Variants in PKD1L1 observed in about 807,000 individuals in gnomAD.
PKD1L1 encodes polycystin-1-like protein 1.
PKD1L1 carries 236 observed loss-of-function variants against 323.4 expected under a neutral mutation model. The observed-to-expected ratio is 0.73, with a 90% CI of 0.66 to 0.81. The LOEUF is 0.81. Ranked by LOEUF, PKD1L1 falls within the 40% of genes least tolerant of loss-of-function variation. The pLI, the probability that PKD1L1 is intolerant of heterozygous loss-of-function variation, is 0.00. For synonymous variants in PKD1L1, 1,344 were observed against 1,335.0 expected (o/e 1.01, Z -0.15); for missense variants, 3,320 against 3,508.0 (o/e 0.95, Z 1.35).
chr7:47,898,898 T>C (rs1354747730), intron 13 of PKD1L1, among the ~76,000 whole-genome samples: 1 of 139,114 alleles, frequency 7.2e-6, no homozygotes, highest in South Asian at 2.3e-4. Context: ...GTTCTTTTGC[T>C]AAAAAAAAAA....
rs1554404496 is a variant in PKD1L1 at position 47,865,564 on chromosome 7, A to ATTTATTATTTTAT, written c.4093-305_4093-293dup. On this transcript the variant is annotated intron_variant, in intron 25 of 56. Coordinates refer to ENST00000289672, the MANE Select transcript of PKD1L1 (RefSeq NM_138295.5). ...AGGGTGCAGAGCTAAGCAACAATTT[A>ATTTATTATTTTAT]TTTATTATTTTATTTTATTTTATTT... Among the ~76,000 whole-genome samples the ATTTATTATTTTAT allele has an allele frequency of 2.5e-3, 198 of 78,738 alleles. 1 individual carries two copies. Among genetic ancestry groups the ATTTATTATTTTAT allele is most frequent in the African/African-American group, 0.013 (182 of 13,514 alleles). 51.7% of individuals were successfully genotyped at this position (78,738 alleles called of 152,430 possible).
At chr7:47,937,867 G>T (rs1324995407) in intron 3 of PKD1L1, among the ~76,000 whole-genome samples, 1 of 152,138 alleles carries the variant, frequency 6.6e-6, no homozygotes, top group Non-Finnish European at 1.5e-5. Context: ...TGAGGCCTCT[G>T]TTGACCTTGC....
intron 29 of PKD1L1, 28 bp downstream of exon 29, chr7:47,855,127 T>C (rs1785869271): frequency 1.2e-6 from 2 of 1,611,242 alleles, no homozygotes; most frequent in African/African-American, 1.3e-5. Context: ...CTAAATGAAG[T>C]AGAGATACTG....
intron 46 of PKD1L1, among the ~76,000 whole-genome samples, chr7:47,817,853 G>A (rs1443388409): frequency 6.6e-6 from 1 of 152,114 alleles, no homozygotes; most frequent in African/African-American, 2.4e-5. Flanking sequence ...CTGGGCAACA[G>A]AGCAAGGCTC....
chr7:47,876,210 T>C lies in PKD1L1; in HGVS notation c.3671A>G (p.His1224Arg). Residue 1224 changes from histidine (H) to arginine (R), a missense_variant, in exon 23 of 57, where the codon CAT (histidine) becomes CGT (arginine). By Grantham distance (29) the His-to-Arg change is conservative. Transcript: ENST00000289672. Reference sequence around the variant, plus strand: ...TCCTATCTGGTAACTAAATTCATAATGGAAGTCCTATGATCCAGTCCAAGG... The same window carrying C: ...TCCTATCTGGTAACTAAATTCATAACGGAAGTCCTATGATCCAGTCCAAGG... ...VFCMSGKPDF[H>R]YEFSYQIGNT... 1.9e-6 allele frequency: 3 copies of C among 1,614,002 alleles called. No homozygotes were observed. The highest frequency in any genetic ancestry group is 1.7e-6 in the Non-Finnish European group (2 of 1,179,900).
intron 32 of PKD1L1, 73 bp from the exon 33 acceptor site, chr7:47,845,151 G>A: frequency 8.1e-7 from 1 of 1,235,056 alleles, no homozygotes; most frequent in South Asian, 1.4e-5. Flanking sequence ...TGGCATGTTG[G>A]TTAAAGGAAT....
chr7:47,929,102 G>A, intron 7 of PKD1L1, 102 bp downstream of exon 7: 1 of 1,252,196 alleles, frequency 8.0e-7, no homozygotes, highest in Non-Finnish European at 1.1e-6. Flanking sequence ...TGAGTCCAGA[G>A]AAACGGAATG....
In PKD1L1 at chr7:47,929,426, C is replaced by A. The variant is rs774523774; in HGVS notation, c.838G>T (p.Ala280Ser). The change falls in exon 7 of 57, where the codon GCC becomes TCC. Residue 280 changes from alanine to serine, a missense_variant. Coordinates refer to ENST00000289672, the MANE Select transcript of PKD1L1 (RefSeq NM_138295.5). ...TTATCAGAATTTCGAGCTAGGATGG[C>A]CACAGGAGGATGCTGAGTAGGGGGA... ...LYPPTQHPPVAILARNSDNFM... is the reference protein window; with the variant it reads ...LYPPTQHPPVSILARNSDNFM... 9.3e-6 allele frequency: 15 copies of A among 1,613,986 alleles called. No individual in the cohort carries two copies. The Middle Eastern group carries it at 6.6e-4, about 71-fold the overall frequency.
intron 31 of PKD1L1, among the ~76,000 whole-genome samples, chr7:47,851,540 C>T (rs1289467323): frequency 2.0e-5 from 3 of 152,042 alleles, no homozygotes; most frequent in East Asian, 3.9e-4. Flanking sequence ...AGCAAATCAC[C>T]GTTTTGTAGC....
rs758236124 is a variant in PKD1L1, at chr7:47,890,735, A to G, written c.2482T>C (p.Ser828Pro). 6.2e-7 allele frequency: 1 copy of G among 1,612,772 alleles called. No homozygotes were observed. The highest frequency in any genetic ancestry group is 8.5e-7 in the Non-Finnish European group (1 of 1,180,018). The stretch of plus-strand genomic sequence containing the variant: ...GAGTCGAAGCAGGGATGTGCTGGGG[A>G]GCCAGCGGTGGCGCATTCCCAGTGA... ...RYHWECATAG[S>P]PAHPCFDSST... The change falls in exon 16 of 57, where the codon TCC (serine) becomes CCC (proline). Residue 828 changes from serine (S) to proline (P), a missense_variant. Ser to Pro is a moderately conservative substitution (Grantham distance 74). Transcript: ENST00000289672.
chr7:47,843,783 C>T (rs1785610411), intron 33 of PKD1L1, among the ~76,000 whole-genome samples: 2 of 152,148 alleles, frequency 1.3e-5, no homozygotes, highest in South Asian at 2.1e-4. Context: ...GGGACTCTAA[C>T]CTAACTGGAG....
intron 54 of PKD1L1, among the ~76,000 whole-genome samples, chr7:47,798,546 A>C (rs1228372077): frequency 2.6e-5 from 4 of 152,154 alleles, no homozygotes; most frequent in African/African-American, 9.7e-5. Context: ...TCACGAGGTC[A>C]GGAGTTCGAG....
At chr7:47,798,156 G>A (rs1363553693) in intron 54 of PKD1L1, among the ~76,000 whole-genome samples, 1 of 152,138 alleles carries the variant, frequency 6.6e-6, no homozygotes, top group Non-Finnish European at 1.5e-5. Flanking sequence ...GAACAAAGCT[G>A]GAGGACTCAT....
At chr7:47,834,265 G>A in intron 40 of PKD1L1, 74 bp downstream of exon 40, 1 of 1,461,360 alleles carries the variant, frequency 6.8e-7, no homozygotes, top group Non-Finnish European at 9.5e-7. Flanking sequence ...ATAGCCAAGG[G>A]AGGATGCCAG....
At chr7:47,941,254 C>T (rs1298259251) in intron 2 of PKD1L1, among the ~76,000 whole-genome samples, 1 of 152,222 alleles carries the variant, frequency 6.6e-6, no homozygotes, top group African/African-American at 2.4e-5. Flanking sequence ...TGCCTGGGCT[C>T]TCTTAACCCC....
At chr7:47,806,148 T>G (rs1784772622) in intron 52 of PKD1L1, among the ~76,000 whole-genome samples, 1 of 152,170 alleles carries the variant, frequency 6.6e-6, no homozygotes, top group South Asian at 2.1e-4. Context: ...TTACTGCAAG[T>G]CACCAGGTCA....
chr7:47,808,213 C>A (rs141060162), intron 52 of PKD1L1, 34 bp downstream of exon 52: 1 of 1,611,246 alleles, frequency 6.2e-7, no homozygotes, highest in African/African-American at 1.3e-5. Flanking sequence ...CAGTGCATGG[C>A]CTCTATCTGC....
At chr7:47,822,047 C>G (rs1785153144) in intron 45 of PKD1L1, among the ~76,000 whole-genome samples, 1 of 152,044 alleles carries the variant, frequency 6.6e-6, no homozygotes. Flanking sequence ...CTCTCTCTGC[C>G]AAAAAATCAG....
At chr7:47,816,707 A>C (rs1275553143) in intron 46 of PKD1L1, among the ~76,000 whole-genome samples, 1 of 152,254 alleles carries the variant, frequency 6.6e-6, no homozygotes, top group Non-Finnish European at 1.5e-5. Context: ...AGAAGAAGTT[A>C]GAAAGTCACC....
Sources: gnomAD v4.1 joint callset for allele counts (sites outside exome capture counted in the v4.1 genomes callset) on GRCh38, gnomAD v4.1.1 for gene constraint, MANE v1.5 for transcripts, NCBI Gene and HGNC (gene_info 2026-07-23, HGNC 2026-07-21) for gene names.